RBMS3: variants seen among roughly 807,000 people sequenced by gnomAD.
RBMS3 encodes RNA-binding motif, single-stranded-interacting protein 3.
A neutral mutation model predicts 66.8 loss-of-function variants in RBMS3; 27 were observed. The ratio of observed to expected loss-of-function variants is 0.40; its 90% CI spans 0.30 to 0.56. RBMS3 has a LOEUF of 0.56. Among genes scored for constraint, RBMS3 ranks in the 20% least tolerant of loss-of-function variants. The pLI, the probability that RBMS3 is intolerant of heterozygous loss-of-function variation, is 0.40. For missense variants in RBMS3, 513 were observed against 549.5 expected (o/e 0.93, Z 0.66); for synonymous variants, 188 against 183.0 (o/e 1.03, Z -0.22).
intron 6 of RBMS3, among the ~76,000 whole-genome samples, chr3:29,856,724 G>A (rs1376465119): frequency 1.3e-5 from 2 of 152,106 alleles, no homozygotes; most frequent in African/African-American, 2.4e-5. Flanking sequence ...ACAGAAGGGT[G>A]GGTATTGTAT....
chr3:29,953,723 TC>T (rs1186924001), intron 12 of RBMS3, among the ~76,000 whole-genome samples: 1 of 152,054 alleles, frequency 6.6e-6, no homozygotes, highest in East Asian at 1.9e-4. Context: ...AGTTTCTTTG[TC>T]CTCTGCAAAT....
intron 4 of RBMS3, among the ~76,000 whole-genome samples, chr3:29,660,174 G>T (rs141770675): frequency 3.2e-4 from 48 of 152,138 alleles, no homozygotes; most frequent in African/African-American, 1.1e-3. Flanking sequence ...CTATGATTGT[G>T]CAACTGTCTA....
chr3:29,930,287 A>G lies in RBMS3; in HGVS notation c.940-5799A>G, dbSNP rs111949539. On this transcript the variant is annotated intron_variant, in intron 10 of 14. Transcript: ENST00000383767. ...CCACCACGCCTGGCTAATTTTTTCT[A>G]TTTTTTAGTAGAGACGGGGTTTCAC... Among the ~76,000 whole-genome samples the G allele has an allele frequency of 7.2e-3, 1,071 of 149,014 alleles. 11 individuals are homozygous for G. The highest frequency in any genetic ancestry group is 0.025 in the African/African-American group (1,011 of 40,786).
chr3:29,546,867 G>A (rs2045972204), intron 3 of RBMS3, among the ~76,000 whole-genome samples: 1 of 152,174 alleles, frequency 6.6e-6, no homozygotes, highest in Non-Finnish European at 1.5e-5. Context: ...TATAACACCT[G>A]TAGACATGGA....
rs1440875928 is a variant in RBMS3, at chr3:29,908,997, G to A, written c.939+9242G>A. 3.3e-5 allele frequency among the ~76,000 whole-genome samples: 5 copies of A among 152,198 alleles called. No homozygotes were observed. In the South Asian group the frequency reaches 1.0e-3, roughly 32 times the overall value. On this transcript the variant is annotated intron_variant, in intron 10 of 14. Transcript: ENST00000383767. The stretch of plus-strand genomic sequence containing the variant: ...TGACATAAAGATGACCTTAAAGGAT[G>A]GGTGATGTTTGTGGGGCTAAAATGA...
At chr3:29,726,785 C>G (rs1211734694) in intron 4 of RBMS3, among the ~76,000 whole-genome samples, 1 of 152,128 alleles carries the variant, frequency 6.6e-6, no homozygotes, top group Admixed American at 6.6e-5. Flanking sequence ...AATGGCCATA[C>G]TGCCCAAAGT....
chr3:29,417,167 C>T (rs1035707062), intron 1 of RBMS3, among the ~76,000 whole-genome samples: 5 of 151,902 alleles, frequency 3.3e-5, no homozygotes, highest in Non-Finnish European at 7.4e-5. Flanking sequence ...TTTTTATTTT[C>T]ATGTTGTTCT....
intron 1 of RBMS3, among the ~76,000 whole-genome samples, chr3:29,364,018 A>G (rs1489417300): frequency 6.6e-6 from 1 of 152,126 alleles, no homozygotes; most frequent in Non-Finnish European, 1.5e-5. Context: ...AGATTTTTAA[A>G]TTCATGTTTC....
chr3:29,747,259 G>T (rs2054944031), intron 5 of RBMS3, among the ~76,000 whole-genome samples: 1 of 152,008 alleles, frequency 6.6e-6, no homozygotes, highest in Non-Finnish European at 1.5e-5. Context: ...GTTCTACATG[G>T]GTCTGAAATA....
intron 3 of RBMS3, among the ~76,000 whole-genome samples, chr3:29,492,394 A>C (rs2043583043): frequency 6.7e-6 from 1 of 150,264 alleles, no homozygotes; most frequent in Non-Finnish European, 1.5e-5. Context: ...AGGGAATAAT[A>C]GGAGAAAGAT....
intron 1 of RBMS3, among the ~76,000 whole-genome samples, chr3:29,390,407 G>A (rs1262750158): frequency 5.3e-5 from 8 of 152,102 alleles, no homozygotes; most frequent in Non-Finnish European, 4.4e-5. Context: ...CAAATAAGCT[G>A]GGAAGGCCCT....
In RBMS3 at chr3:30,008,715, C is replaced by T. The variant is rs1391635261; in HGVS notation, c.*4853C>T. On this transcript the variant is annotated 3_prime_UTR_variant, in exon 15 of 15. Transcript: ENST00000383767. ...ATGAATCAATTTGTTTTACAAATGA[C>T]ATCCACTGTGGCATTGGAAGACAGT... 6.6e-6 allele frequency: 1 copy of T among 152,088 alleles called. No homozygotes were observed. Among genetic ancestry groups the T allele is most frequent in the Non-Finnish European group, 1.5e-5 (1 of 67,980 alleles). 9.4% of individuals were successfully genotyped at this position (152,088 alleles called of 1,614,324 possible). A position where few individuals can be genotyped will look rare whatever the true frequency, so the allele number is the denominator to read the frequency against.
chr3:29,991,903 A>G (rs868311290), intron 14 of RBMS3, among the ~76,000 whole-genome samples: 1 of 152,234 alleles, frequency 6.6e-6, no homozygotes, highest in South Asian at 2.1e-4. Context: ...GGTCTTATTC[A>G]GGAATAAAAT....
chr3:29,578,642 A>G (rs961211533), intron 3 of RBMS3, among the ~76,000 whole-genome samples: 1 of 150,024 alleles, frequency 6.7e-6, no homozygotes, highest in Non-Finnish European at 1.5e-5. Flanking sequence ...GGGGGAAATC[A>G]TGGATGGAAC....
intron 14 of RBMS3, among the ~76,000 whole-genome samples, chr3:29,994,967 AT>A (rs1699122417): frequency 6.6e-6 from 1 of 152,210 alleles, no homozygotes; most frequent in African/African-American, 2.4e-5. Flanking sequence ...AGAAGATCAA[AT>A]TACTCTGAGC....
At chr3:29,878,887 A>T (rs1035681411) in intron 7 of RBMS3, among the ~76,000 whole-genome samples, 40 of 152,192 alleles carry the variant, frequency 2.6e-4, no homozygotes, top group African/African-American at 9.4e-4. Flanking sequence ...ACAAAAAAAA[A>T]TTTAAATAAA....
chr3:29,507,527 G>C (rs2044229636), intron 3 of RBMS3, among the ~76,000 whole-genome samples: 1 of 151,974 alleles, frequency 6.6e-6, no homozygotes, highest in Non-Finnish European at 1.5e-5. Flanking sequence ...TGTATGCTCT[G>C]CTAATAACTA....
chr3:29,328,654 T>G (rs553301815), intron 1 of RBMS3, among the ~76,000 whole-genome samples: 1 of 152,324 alleles, frequency 6.6e-6, no homozygotes, highest in Non-Finnish European at 1.5e-5. Flanking sequence ...TAGTTAACTT[T>G]TATTTTTCCT....
chr3:29,289,570 G>A (rs986431352), intron 1 of RBMS3, among the ~76,000 whole-genome samples: 7 of 151,654 alleles, frequency 4.6e-5, no homozygotes, highest in Admixed American at 1.3e-4. Context: ...ATATAAAAAG[G>A]CTTAAAGAAA....
Sources: allele counts gnomAD v4.1 joint callset (sites outside exome capture counted in the v4.1 genomes callset), GRCh38; gene constraint gnomAD v4.1.1; transcripts MANE v1.5; gene names NCBI Gene and HGNC (gene_info 2026-07-23, HGNC 2026-07-21).